LIMCH1: variants seen among roughly 807,000 people sequenced by gnomAD.
The protein encoded by LIMCH1 is LIM and calponin homology domains-containing protein 1.
In LIMCH1, 113 loss-of-function variants were observed where a neutral mutation model predicts 176.5. That is an observed-to-expected ratio of 0.64 (90% CI 0.55 to 0.75). LIMCH1 has a LOEUF of 0.75. Ranked by LOEUF, LIMCH1 falls within the 30% of genes least tolerant of loss-of-function variation. The probability of loss-of-function intolerance (pLI) is 0.00; values close to 1 mark genes in which losing one functional copy is unlikely to be tolerated. For missense variants in LIMCH1, 1,674 were observed against 1,814.9 expected, an observed-to-expected ratio of 0.92 and a Z score of 1.41; for synonymous variants, 619 against 645.9, an observed-to-expected ratio of 0.96 and a Z score of 0.63.
intron 1 of LIMCH1, among the ~76,000 whole-genome samples, chr4:41,414,226 C>T (rs1205206448): frequency 1.3e-5 from 2 of 151,932 alleles, no homozygotes; most frequent in East Asian, 1.9e-4. Flanking sequence ...ACTGACAGAT[C>T]CCTCTTCTGT....
chr4:41,370,915 C>T (rs912917227), intron 1 of LIMCH1, among the ~76,000 whole-genome samples: 5 of 152,116 alleles, frequency 3.3e-5, no homozygotes, highest in African/African-American at 9.7e-5. Context: ...AATGGAAGCA[C>T]GGAAATGGTA....
chr4:41,639,060 A>G, intron 14 of LIMCH1, 93 bp downstream of exon 14: 2 of 925,004 alleles, frequency 2.2e-6, no homozygotes, highest in Non-Finnish European at 3.3e-6. Context: ...AACTGATGCA[A>G]GTGAACTGAA....
At chr4:41,559,396 A>G (rs2152546100) in intron 1 of LIMCH1, among the ~76,000 whole-genome samples, 1 of 151,944 alleles carries the variant, frequency 6.6e-6, no homozygotes, top group Middle Eastern at 3.4e-3. Context: ...AAGCCCCACT[A>G]TTATAGTCCA....
chr4:41,487,622 G>A (rs1170996408), intron 1 of LIMCH1, among the ~76,000 whole-genome samples: 2 of 148,874 alleles, frequency 1.3e-5, no homozygotes, highest in Non-Finnish European at 3.0e-5. Context: ...AACAATTTAG[G>A]TTGTATGTGG....
chr4:41,500,467 G>T (rs551733549), intron 2 of LIMCH1, among the ~76,000 whole-genome samples: 1 of 152,180 alleles, frequency 6.6e-6, no homozygotes, highest in Non-Finnish European at 1.5e-5. Flanking sequence ...AACGAATGAG[G>T]TAAGTGATAA....
chr4:41,534,030 T>G (rs893802046), upstream of LIMCH1, among the ~76,000 whole-genome samples: 2 of 152,202 alleles, frequency 1.3e-5, no homozygotes, highest in Admixed American at 1.3e-4. Context: ...TGGACTCATT[T>G]TGTGTGCAGT....
chr4:41,450,489 A>G (rs2063742947), intron 1 of LIMCH1, among the ~76,000 whole-genome samples: 1 of 152,050 alleles, frequency 6.6e-6, no homozygotes, highest in African/African-American at 2.4e-5. Context: ...AGAACATTTA[A>G]TTTAGCAACG....
chr4:41,596,247 G>T (rs972742592), intron 1 of LIMCH1, among the ~76,000 whole-genome samples: 1 of 150,954 alleles, frequency 6.6e-6, no homozygotes, highest in Admixed American at 6.6e-5. Flanking sequence ...ACATGTAAAC[G>T]TACCAAATGA....
chr4:41,507,247 C>T lies in LIMCH1; in HGVS notation c.167+12641C>T, dbSNP rs991923639. Among the ~76,000 whole-genome samples the T allele has an allele frequency of 2.6e-5, 4 of 152,176 alleles. No individual in the cohort carries two copies. In the East Asian group the frequency reaches 7.7e-4, roughly 29 times the overall value. On this transcript the variant is annotated intron_variant, in intron 2 of 26. Transcript: ENST00000313860. ...CAGCAACCCAGTATATCTTCAGACT[C>T]TTGAAACAGAGGGATTGAAACCGGG...
chr4:41,439,550 C>T (rs2062474377), intron 1 of LIMCH1, among the ~76,000 whole-genome samples: 1 of 151,872 alleles, frequency 6.6e-6, no homozygotes, highest in South Asian at 2.1e-4. Flanking sequence ...TGCCATTGCA[C>T]TGCAGCCTGG....
chr4:41,483,133 G>A lies in LIMCH1; in HGVS notation c.97-11403G>A, dbSNP rs1193375777. 1.1e-4 allele frequency among the ~76,000 whole-genome samples: 17 copies of A among 152,152 alleles called. 1 individual carries two copies. Among genetic ancestry groups the A allele is most frequent in the South Asian group, 4.1e-4 (2 of 4,828 alleles). Reference sequence around the variant, plus strand: ...AATGATGGATGCTGTGGGTAGAGGGGTAAGGTTGACATACAAAGGCAGGAC... The same window carrying A: ...AATGATGGATGCTGTGGGTAGAGGGATAAGGTTGACATACAAAGGCAGGAC... On this transcript the variant is annotated intron_variant, in intron 1 of 26. Coordinates refer to the LIMCH1 transcript ENST00000313860.
intron 2 of LIMCH1, among the ~76,000 whole-genome samples, chr4:41,510,930 C>G (rs764804455): frequency 5.9e-5 from 9 of 152,162 alleles, no homozygotes; most frequent in Admixed American, 1.3e-4. Context: ...AAATAGACTT[C>G]CTTCTTGGTA....
intron 1 of LIMCH1, among the ~76,000 whole-genome samples, chr4:41,558,606 C>A (rs1362875592): frequency 6.6e-6 from 1 of 152,124 alleles, no homozygotes; most frequent in Non-Finnish European, 1.5e-5. Context: ...CTTGGAGACC[C>A]AGCTCACATC....
chr4:41,421,955 C>G (rs1026560389), intron 1 of LIMCH1, among the ~76,000 whole-genome samples: 8 of 151,954 alleles, frequency 5.3e-5, no homozygotes, highest in Non-Finnish European at 1.2e-4. Flanking sequence ...TGGTGGCATG[C>G]ACCTGTAATC....
intron 1 of LIMCH1, among the ~76,000 whole-genome samples, chr4:41,474,243 C>CT (rs2067400123): frequency 6.6e-6 from 1 of 151,796 alleles, no homozygotes; most frequent in African/African-American, 2.4e-5. Context: ...AATCCCAGCA[C>CT]TTTGGGAGGC....
Position 41,563,723 on chromosome 4 carries a change from A to G in LIMCH1, c.-241+25373A>G, listed in dbSNP as rs540623777. ...TTGCTTGTGAATGCTTTGCATGACA[A>G]TGCCCTCTCATTTTTCCCTACAAAT... On this transcript the variant is annotated intron_variant, in intron 1 of 31. Coordinates refer to ENST00000503057, the MANE Select transcript of LIMCH1 (RefSeq NM_001330672.2). 5.9e-5 allele frequency among the ~76,000 whole-genome samples: 9 copies of G among 152,266 alleles called. No individual in the cohort carries two copies. The South Asian group carries it at 8.3e-4, about 14-fold the overall frequency.
At chr4:41,672,743 A>C (rs1366265605) in intron 22 of LIMCH1, among the ~76,000 whole-genome samples, 1 of 152,182 alleles carries the variant, frequency 6.6e-6, no homozygotes, top group Non-Finnish European at 1.5e-5. Flanking sequence ...AATTCCCATT[A>C]GATTTGGAGA....
At chr4:41,611,318 A>T (rs2091385520) in intron 4 of LIMCH1, among the ~76,000 whole-genome samples, 1 of 152,188 alleles carries the variant, frequency 6.6e-6, no homozygotes, top group South Asian at 2.1e-4. Flanking sequence ...ACACACTGTG[A>T]TGTTTACACA....
At position 41,661,479 on chromosome 4, in the gene LIMCH1, A is replaced by G; in HGVS notation, c.3096A>G (p.Ser1032=). 6.2e-7 allele frequency: 1 copy of G among 1,613,072 alleles called. No individual in the cohort carries two copies. Among genetic ancestry groups the G allele is most frequent in the Non-Finnish European group, 8.5e-7 (1 of 1,179,296 alleles). ...SQEDKNDGGK[S]RKGNIELASS... ...AGGACAAGAATGATGGTGGAAAATC[A>G]AGAAAAGGGAATATAGAACTTGCCT... is the stretch of plus-strand genomic sequence containing the variant. The change falls in exon 19 of 32, where the codon TCA becomes TCG. Residue 1032 remains serine, a synonymous_variant. Transcript: ENST00000503057.
Sources: gnomAD v4.1 joint callset for allele counts (sites outside exome capture counted in the v4.1 genomes callset) on GRCh38, gnomAD v4.1.1 for gene constraint, MANE v1.5 for transcripts, NCBI Gene and HGNC (gene_info 2026-07-23, HGNC 2026-07-21) for gene names.